The following TMEM184B variants were observed in gnomAD, a reference collection of about 807,000 sequenced individuals.
TMEM184B encodes the protein putative MAPK-activating protein FM08.
TMEM184B carries 17 observed loss-of-function variants against 41.8 expected under a neutral mutation model. The observed-to-expected ratio is 0.41, with a 90% CI of 0.28 to 0.61. The LOEUF (loss-of-function observed/expected upper bound fraction) is 0.61. TMEM184B is among the 20% of genes least tolerant of loss of function. The pLI is 0.34. For missense variants in TMEM184B, 393 were observed against 557.8 expected (o/e 0.70, Z 2.98); for synonymous variants, 240 against 229.5 (o/e 1.05, Z -0.41).
intron 3 of TMEM184B, among the ~76,000 whole-genome samples, chr22:38,238,526 T>C (rs1198632763): frequency 3.3e-5 from 5 of 152,218 alleles, no homozygotes; most frequent in Non-Finnish European, 7.3e-5. Context: ...GCCTGGCCAC[T>C]ATCGAGGTCT....
chr22:38,225,661 C>T lies in TMEM184B; in HGVS notation c.618-68G>A. Reference sequence around the variant, plus strand: ...AGGGAAGGGGCTCTCCTCGACTGCACCACACACAGTCCCCATGGCTCTCAG... The same window carrying T: ...AGGGAAGGGGCTCTCCTCGACTGCATCACACACAGTCCCCATGGCTCTCAG... On this transcript the variant is annotated intron_variant, in intron 6 of 8. Transcript: ENST00000361906. The surrounding 1 kb of genome is among the most constrained non-coding windows in gnomAD (Gnocchi z 4.4). 6.7e-7 allele frequency: 1 copy of T among 1,490,050 alleles called. No individual in the cohort carries two copies. The highest frequency in any genetic ancestry group is 1.3e-5 in the South Asian group (1 of 76,932). 92.3% of individuals were successfully genotyped at this position (1,490,050 alleles called of 1,614,324 possible). A position where few individuals can be genotyped will look rare whatever the true frequency, so the allele number is the denominator to read the frequency against.
At chr22:38,222,458 G>A (rs760664) in intron 8 of TMEM184B, 5 of 285,866 alleles carry the variant, frequency 1.7e-5, no homozygotes, top group Non-Finnish European at 2.6e-5. Context: ...AACGAGAAAC[G>A]AGGACGGAAG....
downstream of TMEM184B, chr22:38,219,190 G>T: frequency 1.1e-6 from 1 of 892,380 alleles, no homozygotes; most frequent in Non-Finnish European, 1.3e-6. Context: ...CACACAGGAA[G>T]GAGAGGGTTT....
At chr22:38,261,972 G>A (rs999177743) in intron 1 of TMEM184B, among the ~76,000 whole-genome samples, 4 of 151,794 alleles carry the variant, frequency 2.6e-5, no homozygotes, top group Non-Finnish European at 4.4e-5. Flanking sequence ...GCGCACACGC[G>A]CCCCCAAAGA....
intron 8 of TMEM184B, among the ~76,000 whole-genome samples, chr22:38,224,405 T>G (rs576356220): frequency 6.6e-6 from 1 of 152,196 alleles, no homozygotes; most frequent in African/African-American, 2.4e-5. Flanking sequence ...TGAGCCACCG[T>G]GCCCGGCCAG....
chr22:38,245,418 G>T (rs371922419), intron 3 of TMEM184B, among the ~76,000 whole-genome samples: 7 of 140,704 alleles, frequency 5.0e-5, no homozygotes, highest in Non-Finnish European at 7.7e-5. Flanking sequence ...GAGACCCAGG[G>T]GGAGGGCCCT....
chr22:38,269,267 C>T (rs1323093476), intron 1 of TMEM184B, among the ~76,000 whole-genome samples: 1 of 152,358 alleles, frequency 6.6e-6, no homozygotes, highest in East Asian at 1.9e-4. Context: ...ACCCACCAGA[C>T]TGGAGTGTAG....
intron 1 of TMEM184B, among the ~76,000 whole-genome samples, chr22:38,259,967 G>A (rs552189284): frequency 1.1e-4 from 15 of 137,514 alleles, no homozygotes; most frequent in African/African-American, 3.3e-4. Context: ...TTTGTGAGAC[G>A]GAGTCTCACT....
At chr22:38,223,300 G>A (rs1277643197) in intron 8 of TMEM184B, 1 of 152,472 alleles carries the variant, frequency 6.6e-6, no homozygotes, top group Non-Finnish European at 1.5e-5. Context: ...CTCTGCCATG[G>A]GCCCCCTTGC....
chr22:38,233,600 G>A (rs1213462353), intron 3 of TMEM184B, among the ~76,000 whole-genome samples: 1 of 152,190 alleles, frequency 6.6e-6, no homozygotes, highest in Non-Finnish European at 1.5e-5. Context: ...CTCTTCACCA[G>A]CAAGAACTAT....
In TMEM184B at chr22:38,220,449, G is replaced by C. The variant is rs915274261; in HGVS notation, c.*1020C>G. The C allele has an allele frequency of 4.2e-5, 41 of 985,756 alleles. No homozygotes were observed. The highest frequency in any genetic ancestry group is 4.9e-5 in the Non-Finnish European group (41 of 829,980). 61.1% of individuals were successfully genotyped at this position (985,756 alleles called of 1,614,324 possible). A position where few individuals can be genotyped will look rare whatever the true frequency, so the allele number is the denominator to read the frequency against. ...CAGGCCCTGTGTGGATAGGGGCCCC[G>C]AGAGGAGTCTGGGACCATTCCCCCC... is the stretch of plus-strand genomic sequence containing the variant. On this transcript the variant is annotated 3_prime_UTR_variant, in exon 9 of 9. Coordinates refer to ENST00000361906, the MANE Select transcript of TMEM184B (RefSeq NM_012264.5).
intron 1 of TMEM184B, among the ~76,000 whole-genome samples, chr22:38,267,739 G>A (rs573780096): frequency 2.6e-5 from 4 of 152,162 alleles, no homozygotes; most frequent in East Asian, 3.9e-4. Flanking sequence ...AGCCATATCC[G>A]TCATTTTTCA....
In TMEM184B at chr22:38,220,611, A is replaced by C; in HGVS notation, c.*858T>G. 1 of 986,096 alleles carries C rather than the reference A, an allele frequency of 1.0e-6. No individual in the cohort carries two copies. The highest frequency in any genetic ancestry group is 1.2e-6 in the Non-Finnish European group (1 of 830,142). 61.1% of individuals were successfully genotyped at this position (986,096 alleles called of 1,614,324 possible). On this transcript the variant is annotated 3_prime_UTR_variant, in exon 9 of 9. Transcript: ENST00000361906. ...GGGAGAAGCCCCAAAGAGAGAGAGG[A>C]CCCAGCATCAGCCTGGGAAGGAGGG... is the stretch of plus-strand genomic sequence containing the variant.
At chr22:38,247,656 A>T in intron 2 of TMEM184B, 114 bp downstream of exon 2, 1 of 1,324,754 alleles carries the variant, frequency 7.5e-7, no homozygotes, top group Non-Finnish European at 1.0e-6. Context: ...CTCTGAGAAC[A>T]GAGGGCTTAC....
chr22:38,225,598 G>A lies in TMEM184B; in HGVS notation c.618-5C>T, dbSNP rs763176833. ...TAGAGGTAGCCACTGGTGACGCTGC[G>A]GGACGGGGAGCATTTTCTGGCTGGG... On this transcript the variant is annotated splice_polypyrimidine_tract_variant and splice_region_variant and intron_variant, in intron 6 of 8. Transcript: ENST00000361906. This position sits in a 1 kb window ranked among gnomAD's most constrained non-coding sequence, Gnocchi z 4.4. 60 of 1,602,072 alleles carry A rather than the reference G, an allele frequency of 3.7e-5. No individual in the cohort carries two copies. Among genetic ancestry groups the A allele is most frequent in the African/African-American group, 9.5e-5 (7 of 73,846 alleles).
intron 1 of TMEM184B, among the ~76,000 whole-genome samples, chr22:38,255,857 T>C (rs2092268622): frequency 6.6e-6 from 1 of 152,236 alleles, no homozygotes; most frequent in African/African-American, 2.4e-5. Context: ...GGTGTAGTAG[T>C]TGGCAGAGGA....
intron 1 of TMEM184B, among the ~76,000 whole-genome samples, chr22:38,268,414 C>T (rs1008084586): frequency 1.1e-4 from 16 of 151,136 alleles, no homozygotes; most frequent in African/African-American, 1.7e-4. Context: ...CAGACTCAGA[C>T]GCACTGTTAG....
chr22:38,254,985 G>T (rs2092250219), intron 1 of TMEM184B, among the ~76,000 whole-genome samples: 1 of 151,226 alleles, frequency 6.6e-6, no homozygotes. Context: ...TGAGTAGCTG[G>T]GATTACAGGT....
chr22:38,227,810 C>T (rs2091489245), intron 5 of TMEM184B, among the ~76,000 whole-genome samples: 1 of 152,304 alleles, frequency 6.6e-6, no homozygotes, highest in South Asian at 2.1e-4. Context: ...CATGCACTAA[C>T]GGCGCCTGCT....
Sources: gnomAD v4.1 joint callset for allele counts (sites outside exome capture counted in the v4.1 genomes callset) on GRCh38, gnomAD v4.1.1 for gene constraint, Gnocchi (gnomAD v3.1) non-coding constraint, MANE v1.5 for transcripts, NCBI Gene and HGNC (gene_info 2026-07-23, HGNC 2026-07-21) for gene names.